LPP: variants seen among roughly 807,000 people sequenced by gnomAD.
LPP encodes the protein lipoma-preferred partner.
A neutral mutation model predicts 60.4 loss-of-function variants in LPP; 38 were observed. The ratio of observed to expected loss-of-function variants is 0.63; its 90% CI spans 0.49 to 0.83. The LOEUF is 0.83. Among genes scored for constraint, LPP ranks in the 40% least tolerant of loss-of-function variants. The probability of loss-of-function intolerance (pLI) is 0.00; values close to 1 mark genes in which losing one functional copy is unlikely to be tolerated. For synonymous variants in LPP, 328 were observed against 290.8 expected (o/e 1.13, Z -1.30); for missense variants, 902 against 783.6 (o/e 1.15, Z -1.80).
intron 2 of LPP, among the ~76,000 whole-genome samples, chr3:188,241,053 G>A (rs1054056789): frequency 2.0e-4 from 30 of 152,202 alleles, no homozygotes; most frequent in African/African-American, 4.8e-5. Context: ...CAGTGAGAAT[G>A]TCCCTACATG....
intron 7 of LPP, among the ~76,000 whole-genome samples, chr3:188,700,603 T>G (rs1400193429): frequency 6.6e-6 from 1 of 152,184 alleles, no homozygotes; most frequent in Non-Finnish European, 1.5e-5. Context: ...TTAACCTTTG[T>G]GTGTTCTTGA....
chr3:188,328,850 A>G (rs1560254986), intron 2 of LPP, among the ~76,000 whole-genome samples: 3 of 152,220 alleles, frequency 2.0e-5, no homozygotes, highest in Non-Finnish European at 4.4e-5. Flanking sequence ...TTTCTTTAGT[A>G]AAACCTAGTC....
At chr3:188,433,599 T>TGAGAGAGA (rs59204304) in intron 4 of LPP, among the ~76,000 whole-genome samples, 33 of 137,560 alleles carry the variant, frequency 2.4e-4, no homozygotes, top group African/African-American at 7.3e-4. Context: ...AGACAGAAAG[T>TGAGAGAGA]GAGAGAGAGA....
In LPP at chr3:188,392,156, T is replaced by C. The variant is rs191691646; in HGVS notation, c.-9-13956T>C. 6.1e-4 allele frequency among the ~76,000 whole-genome samples: 93 copies of C among 152,318 alleles called. 3 individuals carry two copies. In the South Asian group the frequency reaches 0.019, roughly 31 times the overall value. ...GTTGGAACCAGAGTAACAATTACGTTCTATTACATCTCTACTTGTCAGTGT... is the reference window on the plus strand; with the variant it reads ...GTTGGAACCAGAGTAACAATTACGTCCTATTACATCTCTACTTGTCAGTGT... On this transcript the variant is annotated intron_variant, in intron 3 of 11. Coordinates refer to ENST00000617246, the MANE Select transcript of LPP (RefSeq NM_001375462.1).
chr3:188,161,334 G>A (rs1168050184), intron 1 of LPP, among the ~76,000 whole-genome samples: 2 of 152,354 alleles, frequency 1.3e-5, no homozygotes, highest in East Asian at 3.9e-4. Flanking sequence ...TATCGGGTCA[G>A]CAGCGTACGG....
chr3:188,756,620 A>G (rs1250391764), intron 8 of LPP, among the ~76,000 whole-genome samples: 1 of 152,124 alleles, frequency 6.6e-6, no homozygotes, highest in East Asian at 1.9e-4. Flanking sequence ...CAGTTTGTAA[A>G]TGTTTGTTCA....
At chr3:188,166,990 G>A (rs962484056) in intron 1 of LPP, among the ~76,000 whole-genome samples, 5 of 152,104 alleles carry the variant, frequency 3.3e-5, no homozygotes, top group Non-Finnish European at 5.9e-5. Flanking sequence ...CGTGGTTATC[G>A]CTGAGGGATG....
At chr3:188,227,709 G>C (rs1428486271) in intron 2 of LPP, among the ~76,000 whole-genome samples, 7 of 152,036 alleles carry the variant, frequency 4.6e-5, no homozygotes, top group African/African-American at 1.7e-4. Flanking sequence ...CTTCATCCTT[G>C]GAATGTTTTA....
chr3:188,518,899 T>C (rs182491206), intron 5 of LPP, among the ~76,000 whole-genome samples: 1 of 152,240 alleles, frequency 6.6e-6, no homozygotes, highest in Non-Finnish European at 1.5e-5. Flanking sequence ...TTCTGATTTT[T>C]TTTTCATAGC....
Position 188,881,302 on chromosome 3 carries a change from T to A in LPP, c.*6823T>A, listed in dbSNP as rs984182406. On this transcript the variant is annotated 3_prime_UTR_variant, in exon 12 of 12. Transcript: ENST00000617246. ...CTCTGTAGCTCCACAAAACAAGTCT[T>A]AAGTCCAAATCTTTGCCTCTTCATG... is the stretch of plus-strand genomic sequence containing the variant. 5.2e-6 allele frequency: 1 copy of A among 193,722 alleles called. No homozygotes were observed. Among genetic ancestry groups the A allele is most frequent in the Non-Finnish European group, 1.1e-5 (1 of 92,570 alleles). The allele number at this position is 193,722 out of a possible 1,614,324, so 12.0% of individuals were successfully genotyped here.
chr3:188,402,836 A>G (rs1430206581), intron 3 of LPP, among the ~76,000 whole-genome samples: 1 of 152,234 alleles, frequency 6.6e-6, no homozygotes, highest in East Asian at 1.9e-4. Flanking sequence ...GCCTAGAAAA[A>G]GGAATTAGGC....
intron 2 of LPP, among the ~76,000 whole-genome samples, chr3:188,241,258 C>A (rs1261875902): frequency 6.6e-6 from 1 of 152,174 alleles, no homozygotes; most frequent in East Asian, 1.9e-4. Flanking sequence ...AGCTGTTTGC[C>A]CTGAAGTACA....
chr3:188,250,106 C>T (rs1728622389), intron 2 of LPP, among the ~76,000 whole-genome samples: 2 of 152,152 alleles, frequency 1.3e-5, no homozygotes, highest in South Asian at 4.1e-4. Flanking sequence ...TGGCTCAGTT[C>T]TGTCCTTGAA....
chr3:188,674,864 C>T (rs537373489), intron 7 of LPP, among the ~76,000 whole-genome samples: 3 of 152,234 alleles, frequency 2.0e-5, no homozygotes, highest in Non-Finnish European at 2.9e-5. Context: ...TGGAACCTTC[C>T]GAGGCTGTGA....
chr3:188,639,745 A>G (rs1289107767), intron 7 of LPP, among the ~76,000 whole-genome samples: 1 of 152,216 alleles, frequency 6.6e-6, no homozygotes, highest in African/African-American at 2.4e-5. Flanking sequence ...ACATTTATGC[A>G]GCCAAAAAAA....
At chr3:188,159,260 C>G (rs1717457006) in intron 1 of LPP, among the ~76,000 whole-genome samples, 1 of 152,186 alleles carries the variant, frequency 6.6e-6, no homozygotes, top group African/African-American at 2.4e-5. Context: ...GGAAAGCTTT[C>G]TGGCTCAGGG....
In LPP at chr3:188,883,821, G is replaced by A; in HGVS notation, c.*9342G>A. ...AAGAAGTCAAAAGCAAAAGATAGTG[G>A]TATTGCCGAAAACTCATTATTTCTA... is the stretch of plus-strand genomic sequence containing the variant. On this transcript the variant is annotated 3_prime_UTR_variant, in exon 12 of 12. Transcript: ENST00000617246. The A allele has an allele frequency of 4.7e-6, 1 of 211,918 alleles. No homozygotes were observed. The highest frequency in any genetic ancestry group is 9.6e-6 in the Non-Finnish European group (1 of 104,636). The allele number at this position is 211,918 out of a possible 1,614,324, so 13.1% of individuals were successfully genotyped here. A position where few individuals can be genotyped will look rare whatever the true frequency, so the allele number is the denominator to read the frequency against.
At chr3:188,529,619 C>T (rs565858777) in intron 6 of LPP, among the ~76,000 whole-genome samples, 4 of 152,066 alleles carry the variant, frequency 2.6e-5, no homozygotes, top group Admixed American at 6.5e-5. Context: ...GAGTATTTTC[C>T]GCTCCCAAAT....
intron 7 of LPP, among the ~76,000 whole-genome samples, chr3:188,694,949 C>A (rs1413703166): frequency 6.6e-6 from 1 of 152,148 alleles, no homozygotes; most frequent in East Asian, 1.9e-4. Flanking sequence ...TGGCAAAAGG[C>A]AGATGAGTTG....
Sources: allele counts gnomAD v4.1 joint callset (sites outside exome capture counted in the v4.1 genomes callset), GRCh38; gene constraint gnomAD v4.1.1; transcripts MANE v1.5; gene names NCBI Gene and HGNC (gene_info 2026-07-23, HGNC 2026-07-21).